The following NHSL2 variants were observed in gnomAD, a reference collection of about 807,000 sequenced individuals.
NHSL2 encodes NHS-like protein 2.
NHSL2 carries 27 observed loss-of-function variants against 53.4 expected under a neutral mutation model. The ratio of observed to expected loss-of-function variants is 0.51; its 90% confidence interval spans 0.37 to 0.70. The LOEUF is 0.70. Among genes scored for constraint, NHSL2 ranks in the 30% least tolerant of loss-of-function variants. The probability of loss-of-function intolerance (pLI) is 0.00; values close to 1 mark genes in which losing one functional copy is unlikely to be tolerated. For synonymous variants in NHSL2, 408 were observed against 404.1 expected (o/e 1.01, Z -0.12); for missense variants, 892 against 980.1 (o/e 0.91, Z 1.20).
intron 1 of NHSL2, among the ~76,000 whole-genome samples, chrX:71,959,189 G>A (rs1307036581): frequency 8.9e-6 from 1 of 112,254 alleles, no homozygotes; most frequent in Non-Finnish European, 1.9e-5. Context: ...AGAGGATGGA[G>A]ATGGAGCCCC....
intron 1 of NHSL2, among the ~76,000 whole-genome samples, chrX:72,031,025 G>A (rs746336827): frequency 8.9e-6 from 1 of 111,759 alleles, no homozygotes; most frequent in South Asian, 3.8e-4. Flanking sequence ...CTACCTTGTG[G>A]CAAGCTCTAA....
At chrX:72,126,129 A>G (rs2042223538) in intron 1 of NHSL2, among the ~76,000 whole-genome samples, 1 of 111,924 alleles carries the variant, frequency 8.9e-6, no homozygotes, top group Non-Finnish European at 1.9e-5. Context: ...TCCCTGGCAC[A>G]TGGTCAGAAA....
intron 1 of NHSL2, among the ~76,000 whole-genome samples, chrX:72,051,729 T>A (rs1169837585): frequency 8.9e-6 from 1 of 111,992 alleles, no homozygotes; most frequent in Non-Finnish European, 1.9e-5. Context: ...CTGCCTGCCC[T>A]CAGCACACAC....
At chrX:71,969,308 T>G (rs2041914870) in intron 1 of NHSL2, among the ~76,000 whole-genome samples, 1 of 99,593 alleles carries the variant, frequency 1.0e-5, no homozygotes, top group Admixed American at 1.2e-4. Flanking sequence ...CTTTTTTTCT[T>G]TTTTTTTTTT....
At chrX:72,121,985 T>C (rs919383816) in intron 1 of NHSL2, among the ~76,000 whole-genome samples, 1 of 112,555 alleles carries the variant, frequency 8.9e-6, no homozygotes, top group Non-Finnish European at 1.9e-5. Flanking sequence ...TCAACATTTC[T>C]AATCTATAGA....
chrX:72,046,045 A>G (rs2042303863), intron 1 of NHSL2, among the ~76,000 whole-genome samples: 1 of 111,937 alleles, frequency 8.9e-6, no homozygotes, highest in Admixed American at 9.4e-5. Flanking sequence ...TTCATGGCCA[A>G]TGAAAATCAA....
At chrX:72,119,782 T>C (rs1030765428) in intron 1 of NHSL2, among the ~76,000 whole-genome samples, 5 of 112,196 alleles carry the variant, frequency 4.5e-5, no homozygotes, top group African/African-American at 1.6e-4. Flanking sequence ...TCCAGTATAA[T>C]GTTGAACAGA....
At chrX:72,085,101 C>T (rs945932041) in intron 1 of NHSL2, among the ~76,000 whole-genome samples, 4 of 111,491 alleles carry the variant, frequency 3.6e-5, no homozygotes, top group Admixed American at 1.9e-4. Flanking sequence ...CTCTAAGGCA[C>T]GAATTATTGT....
intron 1 of NHSL2, among the ~76,000 whole-genome samples, chrX:72,109,012 C>T (rs1237200074): frequency 9.0e-6 from 1 of 111,456 alleles, no homozygotes; most frequent in African/African-American, 3.3e-5. Flanking sequence ...CATCCTTTTC[C>T]ACCCCAGGGC....
chrX:72,058,156 T>C (rs2042379789), intron 1 of NHSL2, among the ~76,000 whole-genome samples: 1 of 112,146 alleles, frequency 8.9e-6, no homozygotes, highest in Non-Finnish European at 1.9e-5. Context: ...AAACTATGGT[T>C]AGTCAGACTT....
At chrX:71,932,938 C>T (rs770903423) in intron 1 of NHSL2, among the ~76,000 whole-genome samples, 1 of 112,462 alleles carries the variant, frequency 8.9e-6, no homozygotes, top group South Asian at 3.7e-4. Context: ...AACCCTTGTG[C>T]TTTTTCTTTT....
chrX:72,044,604 T>C, intron 1 of NHSL2: 1 of 1,104,313 alleles, frequency 9.1e-7, no homozygotes. Flanking sequence ...ACGTGCAGCC[T>C]ATTCGCTGCA....
chrX:71,973,352 C>T (rs2041934448), intron 1 of NHSL2, among the ~76,000 whole-genome samples: 1 of 112,268 alleles, frequency 8.9e-6, no homozygotes, highest in African/African-American at 3.2e-5. Flanking sequence ...GGCTGGTCTG[C>T]CATTTTTCTT....
At chrX:72,092,860 T>C (rs2147447095) in intron 1 of NHSL2, among the ~76,000 whole-genome samples, 1 of 112,502 alleles carries the variant, frequency 8.9e-6, no homozygotes, top group Admixed American at 9.3e-5. Flanking sequence ...TGTGGTGACC[T>C]TGGGCAAGTT....
At chrX:72,000,112 A>AT (rs924150968) in intron 1 of NHSL2, among the ~76,000 whole-genome samples, 1 of 111,632 alleles carries the variant, frequency 9.0e-6, no homozygotes, top group African/African-American at 3.3e-5. Flanking sequence ...ACGTTTGTGC[A>AT]TTTTTTTTGA....
intron 1 of NHSL2, among the ~76,000 whole-genome samples, chrX:72,038,279 A>G (rs2042251858): frequency 8.9e-6 from 1 of 112,386 alleles, no homozygotes; most frequent in Non-Finnish European, 1.9e-5. Context: ...GGGTATGGGT[A>G]AAAGGTTGAG....
At chrX:72,131,214 C>T in intron 1 of NHSL2, 1 of 1,202,791 alleles carries the variant, frequency 8.3e-7, no homozygotes, top group East Asian at 3.0e-5. Context: ...TGCTGCGATC[C>T]TGGATCACGT....
At chrX:71,914,126 G>T (rs1401514134) in intron 1 of NHSL2, among the ~76,000 whole-genome samples, 1 of 112,510 alleles carries the variant, frequency 8.9e-6, no homozygotes, top group Non-Finnish European at 1.9e-5. Flanking sequence ...GAAGGCCCCT[G>T]TGGTTGTGGA....
At chrX:71,987,813 G>A (rs960949393) in intron 1 of NHSL2, among the ~76,000 whole-genome samples, 5 of 112,403 alleles carry the variant, frequency 4.4e-5, no homozygotes. Context: ...GGCCACCACG[G>A]TGAAGACACA....
Sources: allele counts gnomAD v4.1 joint callset (sites outside exome capture counted in the v4.1 genomes callset), GRCh38; gene constraint gnomAD v4.1.1; transcripts MANE v1.5; gene names NCBI Gene and HGNC (gene_info 2026-07-23, HGNC 2026-07-21).